Variants in ADARB2 observed in about 807,000 individuals in gnomAD.
ADARB2 encodes the protein adenosine deaminase RNA specific B2 (inactive).
Under a neutral mutation model 62.2 loss-of-function variants are expected in ADARB2, and 25 were observed. The ratio of observed to expected loss-of-function variants is 0.40; its 90% confidence interval spans 0.29 to 0.56. ADARB2 has a LOEUF of 0.56. Ranked by LOEUF, ADARB2 falls within the 20% of genes least tolerant of loss-of-function variation. ADARB2 has a pLI of 0.43. For synonymous variants in ADARB2, 572 were observed against 500.8 expected, an observed-to-expected ratio of 1.14 and a Z score of -1.90; for missense variants, 1,071 against 1,077.4, an observed-to-expected ratio of 0.99 and a Z score of 0.08.
chr10:1,550,656 T>C (rs1003846103), intron 1 of ADARB2, among the ~76,000 whole-genome samples: 58 of 152,166 alleles, frequency 3.8e-4, no homozygotes, highest in African/African-American at 1.4e-3. Context: ...TGCAGTCTCA[T>C]GGCTTTGGAG....
chr10:1,566,327 G>A (rs966067104), intron 1 of ADARB2, among the ~76,000 whole-genome samples: 7 of 152,218 alleles, frequency 4.6e-5, no homozygotes, highest in Admixed American at 3.9e-4. Flanking sequence ...TTTAGAAAAG[G>A]ATTCATATTT....
intron 3 of ADARB2, 47 bp from the exon 4 acceptor site, chr10:1,271,116 G>A (rs1401123005): frequency 6.0e-6 from 9 of 1,512,406 alleles, no homozygotes; most frequent in East Asian, 4.6e-5. Flanking sequence ...AGCAGGTGCC[G>A]TGGAGGATGA....
chr10:1,446,172 C>T (rs978143016), intron 1 of ADARB2, among the ~76,000 whole-genome samples: 2 of 152,222 alleles, frequency 1.3e-5, no homozygotes, highest in African/African-American at 4.8e-5. Context: ...ACTTTCTGGA[C>T]AAAATTCTTT....
intron 6 of ADARB2, among the ~76,000 whole-genome samples, chr10:1,232,525 A>C (rs1013891174): frequency 2.5e-4 from 37 of 147,042 alleles, no homozygotes; most frequent in African/African-American, 7.8e-4. Context: ...GCTGTGTGTG[A>C]TGTGTGGTAT....
chr10:1,687,602 A>T (rs184724212), intron 1 of ADARB2, among the ~76,000 whole-genome samples: 27 of 152,308 alleles, frequency 1.8e-4, no homozygotes, highest in African/African-American at 6.0e-4. Flanking sequence ...ATTCAAAAAT[A>T]AATTTTTAAT....
intron 3 of ADARB2, among the ~76,000 whole-genome samples, chr10:1,326,823 G>T (rs1831855252): frequency 8.5e-6 from 1 of 118,130 alleles, no homozygotes; most frequent in Admixed American, 8.3e-5. Context: ...CCTCCCCACG[G>T]CCCAGCGCCT....
chr10:1,204,631 G>A (rs1014261221), intron 7 of ADARB2, among the ~76,000 whole-genome samples: 7 of 152,132 alleles, frequency 4.6e-5, no homozygotes, highest in African/African-American at 1.4e-4. Context: ...GGCCTCACCC[G>A]TCACATTGTG....
At chr10:1,428,449 G>A (rs1317888889) in intron 1 of ADARB2, among the ~76,000 whole-genome samples, 5 of 151,778 alleles carry the variant, frequency 3.3e-5, no homozygotes, top group African/African-American at 1.2e-4. Context: ...ACCACGCCCA[G>A]CTAATTTTTT....
At chr10:1,727,555 G>A (rs1176829512) in intron 1 of ADARB2, among the ~76,000 whole-genome samples, 1 of 152,158 alleles carries the variant, frequency 6.6e-6, no homozygotes, top group Non-Finnish European at 1.5e-5. Context: ...TTTTGATATT[G>A]TAGAAAGAAT....
intron 1 of ADARB2, chr10:1,676,085 C>CA: frequency 1.0e-6 from 1 of 985,326 alleles, no homozygotes; most frequent in Non-Finnish European, 1.2e-6. Context: ...GTCCAGGATC[C>CA]ATCCCTGAAG....
At chr10:1,266,355 G>C (rs1268890574) in intron 4 of ADARB2, among the ~76,000 whole-genome samples, 1 of 152,228 alleles carries the variant, frequency 6.6e-6, no homozygotes, top group African/African-American at 2.4e-5. Context: ...GGCTGTGGTA[G>C]TTGGCCAAGC....
At chr10:1,731,803 A>G (rs1379847108) in intron 1 of ADARB2, among the ~76,000 whole-genome samples, 1 of 152,200 alleles carries the variant, frequency 6.6e-6, no homozygotes, top group Admixed American at 6.5e-5. Flanking sequence ...CGGCATCAAC[A>G]CACAGTAGTT....
intron 6 of ADARB2, among the ~76,000 whole-genome samples, chr10:1,218,371 T>G (rs1269757843): frequency 6.6e-6 from 1 of 152,228 alleles, no homozygotes; most frequent in Non-Finnish European, 1.5e-5. Context: ...ACATTAAATC[T>G]GGATTATATT....
At chr10:1,624,840 G>T (rs1282841128) in intron 1 of ADARB2, among the ~76,000 whole-genome samples, 1 of 152,070 alleles carries the variant, frequency 6.6e-6, no homozygotes, top group Admixed American at 6.5e-5. Context: ...AGAGAAGATG[G>T]CTTTTGTGAG....
intron 1 of ADARB2, among the ~76,000 whole-genome samples, chr10:1,555,030 T>G (rs1832680387): frequency 6.6e-6 from 1 of 152,224 alleles, no homozygotes; most frequent in Admixed American, 6.5e-5. Flanking sequence ...TCTAGAGGCA[T>G]CCATGTTTTG....
chr10:1,306,898 G>T (rs1831635091), intron 3 of ADARB2, among the ~76,000 whole-genome samples: 2 of 148,036 alleles, frequency 1.4e-5, no homozygotes, highest in South Asian at 2.3e-4. Flanking sequence ...GCTGAAACTG[G>T]ATCCCTTCCT....
rs528814851 is a variant in ADARB2 at position 1,318,423 on chromosome 10, G to A, written c.1077+44605C>T. Among the ~76,000 whole-genome samples the A allele has an allele frequency of 2.6e-5, 4 of 152,362 alleles. No individual in the cohort carries two copies. The East Asian group carries it at 5.8e-4, about 22-fold the overall frequency. On this transcript the variant is annotated intron_variant, in intron 3 of 9. Coordinates refer to ENST00000381312, the MANE Select transcript of ADARB2 (RefSeq NM_018702.4). The stretch of plus-strand genomic sequence containing the variant: ...GAGAGAGATCATGGGCTGGGCCGGA[G>A]GGATGTGGGAAAGCCAGACCATTTG...
intron 1 of ADARB2, among the ~76,000 whole-genome samples, chr10:1,531,929 A>G (rs1267635724): frequency 6.6e-6 from 1 of 152,046 alleles, no homozygotes; most frequent in Non-Finnish European, 1.5e-5. Flanking sequence ...TCCCATCCCC[A>G]CTGGAAGTTC....
chr10:1,420,289 A>G (rs1832840961), intron 1 of ADARB2, among the ~76,000 whole-genome samples: 1 of 152,216 alleles, frequency 6.6e-6, no homozygotes, highest in African/African-American at 2.4e-5. Context: ...AAGTATTTTT[A>G]CATGGACAGC....
Sources: allele counts gnomAD v4.1 joint callset (sites outside exome capture counted in the v4.1 genomes callset), GRCh38; gene constraint gnomAD v4.1.1; transcripts MANE v1.5; gene names NCBI Gene and HGNC (gene_info 2026-07-23, HGNC 2026-07-21).